The following SIAH1 variants were observed in gnomAD, a reference collection of about 807,000 sequenced individuals.
SIAH1 encodes E3 ubiquitin-protein ligase SIAH1.
Under a neutral mutation model 20.0 loss-of-function variants are expected in SIAH1, and 2 were observed. The observed-to-expected ratio is 0.10, with a 90% CI of 0.04 to 0.31. The LOEUF (loss-of-function observed/expected upper bound fraction) is 0.31, where lower values mean the gene tolerates loss of function less well. Among genes scored for constraint, SIAH1 ranks in the 10% least tolerant of loss-of-function variants. The pLI is 1.00. For missense variants in SIAH1, 119 were observed against 355.3 expected (o/e 0.33, Z 5.35); for synonymous variants, 118 against 125.3 (o/e 0.94, Z 0.39).
chr16:48,385,748 C>A (rs1283410448), upstream of SIAH1, among the ~76,000 whole-genome samples: 1 of 152,024 alleles, frequency 6.6e-6, no homozygotes, highest in East Asian at 2.0e-4. Context: ...GCCGCGTGAC[C>A]CCCCCGGCTC....
At chr16:48,381,895 G>T (rs1961302889) in intron 1 of SIAH1, among the ~76,000 whole-genome samples, 1 of 152,144 alleles carries the variant, frequency 6.6e-6, no homozygotes, top group African/African-American at 2.4e-5. Flanking sequence ...TTCCTCAATT[G>T]TAACAAACGT....
In SIAH1 at chr16:48,361,552, A is replaced by T; in HGVS notation, c.*28T>A. On this transcript the variant is annotated 3_prime_UTR_variant, in exon 2 of 2. Transcript: ENST00000394725. ...TTTCTGTGAAACTGAAGTTTTAAAC[A>T]CTGGCCAGAAAATGTTTGATTGCCA... is the stretch of plus-strand genomic sequence containing the variant. The T allele has an allele frequency of 6.2e-7, 1 of 1,605,158 alleles. No individual in the cohort carries two copies. Among genetic ancestry groups the T allele is most frequent in the Non-Finnish European group, 8.5e-7 (1 of 1,176,340 alleles).
At chr16:48,370,247 T>G (rs1415599641) in intron 1 of SIAH1, among the ~76,000 whole-genome samples, 2 of 152,200 alleles carry the variant, frequency 1.3e-5, no homozygotes, top group Non-Finnish European at 2.9e-5. Flanking sequence ...ACATAAATTC[T>G]TATTACATTA....
chr16:48,381,661 C>T (rs1391124619), intron 1 of SIAH1, among the ~76,000 whole-genome samples: 2 of 152,116 alleles, frequency 1.3e-5, no homozygotes, highest in Non-Finnish European at 2.9e-5. Context: ...GAAAAGGCTA[C>T]ATATTTTAAA....
At chr16:48,367,308 T>C (rs1960867525) in intron 1 of SIAH1, among the ~76,000 whole-genome samples, 2 of 152,200 alleles carry the variant, frequency 1.3e-5, no homozygotes, top group Non-Finnish European at 2.9e-5. Context: ...AGATGACTGA[T>C]TATTTCTCAA....
At chr16:48,386,448 G>C (rs1009226078), upstream of SIAH1, among the ~76,000 whole-genome samples, 16 of 152,206 alleles carry the variant, frequency 1.1e-4, no homozygotes, top group African/African-American at 3.9e-4. Flanking sequence ...AGAGGTTGCA[G>C]TGAGGCAGAG....
intron 1 of SIAH1, among the ~76,000 whole-genome samples, chr16:48,366,726 G>A (rs908495568): frequency 2.0e-5 from 3 of 152,194 alleles, no homozygotes; most frequent in Non-Finnish European, 1.5e-5. Flanking sequence ...GCAGTGAGGA[G>A]TGAACCCAAT....
At chr16:48,377,702 A>G (rs984893238) in intron 1 of SIAH1, among the ~76,000 whole-genome samples, 2 of 151,988 alleles carry the variant, frequency 1.3e-5, no homozygotes, top group African/African-American at 4.8e-5. Context: ...AGCCTCCTGA[A>G]GATTTAAGGA....
chr16:48,383,386 G>C (rs973687908), intron 1 of SIAH1, among the ~76,000 whole-genome samples: 7 of 152,126 alleles, frequency 4.6e-5, no homozygotes, highest in African/African-American at 1.7e-4. Context: ...AGATCTACCA[G>C]TCTAAAGTCC....
chr16:48,378,181 A>G (rs1006157633), intron 1 of SIAH1, among the ~76,000 whole-genome samples: 7 of 152,024 alleles, frequency 4.6e-5, no homozygotes, highest in African/African-American at 1.7e-4. Flanking sequence ...GAGAAACCCC[A>G]TCTCTACTAA....
At position 48,362,354 on chromosome 16, in the gene SIAH1, C is replaced by G. The variant is rs1168850950; in HGVS notation, c.75G>C (p.Leu25=). 2 of 1,614,152 alleles carry G rather than the reference C, an allele frequency of 1.2e-6. No individual in the cohort carries two copies. The highest frequency in any genetic ancestry group is 2.2e-5 in the South Asian group (2 of 91,074). Residue 25 remains leucine, a synonymous_variant, in exon 2 of 2, where the codon CTG becomes CTC. Transcript: ENST00000394725. The surrounding 1 kb of genome is among the most constrained non-coding windows in gnomAD (Gnocchi z 4.2). ...KCPPSQRVPA[L]TGTTASNNDL... ...CATTGTTGGATGCAGTTGTGCCAGT[C>G]AGGGCAGGCACCCTCTGGGATGGTG...
At chr16:48,385,174 G>C (rs1387330015) in intron 1 of SIAH1, 30 bp downstream of exon 1, 2 of 255,812 alleles carry the variant, frequency 7.8e-6, no homozygotes, top group East Asian at 1.8e-4. Flanking sequence ...CCTCGCCGCC[G>C]GCTCCTCCCT....
In SIAH1 at chr16:48,385,250, G is replaced by A. The variant is rs1313881553; in HGVS notation, c.-49C>T. 3 of 322,056 alleles carry A rather than the reference G, an allele frequency of 9.3e-6. No individual in the cohort carries two copies. Among genetic ancestry groups the A allele is most frequent in the Non-Finnish European group, 2.0e-5 (3 of 152,058 alleles). 19.9% of individuals were successfully genotyped at this position (322,056 alleles called of 1,614,324 possible). A position where few individuals can be genotyped will look rare whatever the true frequency, so the allele number is the denominator to read the frequency against. The stretch of plus-strand genomic sequence containing the variant: ...CGGACCCCGGTCCTGGCACCAACGC[G>A]CTCCGTCGCCAACCCCCGCCACCGC... On this transcript the variant is annotated 5_prime_UTR_variant, in exon 1 of 2. Transcript: ENST00000394725.
intron 1 of SIAH1, among the ~76,000 whole-genome samples, chr16:48,375,292 T>G (rs925439196): frequency 6.6e-6 from 1 of 152,190 alleles, no homozygotes; most frequent in Non-Finnish European, 1.5e-5. Flanking sequence ...TTAAATAAAA[T>G]GGACTCATAC....
intron 1 of SIAH1, among the ~76,000 whole-genome samples, chr16:48,379,767 A>G (rs1456555171): frequency 6.6e-6 from 1 of 152,174 alleles, no homozygotes; most frequent in Non-Finnish European, 1.5e-5. Flanking sequence ...TTCAATGTGC[A>G]GAGTTCACAA....
chr16:48,365,970 G>T, intron 1 of SIAH1: 2 of 1,109,282 alleles, frequency 1.8e-6, no homozygotes, highest in Non-Finnish European at 1.1e-6. Context: ...AACCCGGGGC[G>T]CCAGGGCCAG....
At position 48,362,267 on chromosome 16, in the gene SIAH1, T is replaced by C. The variant is rs377204678; in HGVS notation, c.162A>G (p.Gln54=). The change falls in exon 2 of 2, where the codon CAA becomes CAG. Residue 54 remains glutamine (Q), a synonymous_variant. Coordinates refer to ENST00000394725, the MANE Select transcript of SIAH1 (RefSeq NM_003031.4). The surrounding 1 kb of genome is among the most constrained non-coding windows in gnomAD (Gnocchi z 4.2). ...CFDYVLPPIL[Q]CQSGHLVCSN... ...TACAAACAAGATGGCCACTCTGACA[T>C]TGAAGAATGGGCGGTAACACATAGT... The C allele has an allele frequency of 3.8e-5, 61 of 1,614,032 alleles. No individual in the cohort carries two copies. The highest frequency in any genetic ancestry group is 3.3e-4 in the Middle Eastern group (2 of 6,084).
At position 48,361,059 on chromosome 16, in the gene SIAH1, A is replaced by G. The variant is rs1351779014; in HGVS notation, c.*521T>C. ...AAAAAGGAAAAACCTGAATTACAGA[A>G]AAGTCAAATTTATTTAATGAAAAAC... is the stretch of plus-strand genomic sequence containing the variant. On this transcript the variant is annotated 3_prime_UTR_variant, in exon 2 of 2. Transcript: ENST00000394725. 1 of 152,650 alleles carries G rather than the reference A, an allele frequency of 6.6e-6. No homozygotes were observed. Among genetic ancestry groups the G allele is most frequent in the East Asian group, 1.9e-4 (1 of 5,208 alleles). The allele number at this position is 152,650 out of a possible 1,614,324, so 9.5% of individuals were successfully genotyped here. A position where few individuals can be genotyped will look rare whatever the true frequency, so the allele number is the denominator to read the frequency against.
chr16:48,365,492 C>T (rs2151047103), intron 1 of SIAH1: 1 of 1,610,596 alleles, frequency 6.2e-7, no homozygotes, highest in Non-Finnish European at 8.5e-7. Context: ...AGTCAGGCCA[C>T]GCATTGCGTT....
Sources: gnomAD v4.1 joint callset for allele counts (sites outside exome capture counted in the v4.1 genomes callset) on GRCh38, gnomAD v4.1.1 for gene constraint, Gnocchi (gnomAD v3.1) non-coding constraint, MANE v1.5 for transcripts, NCBI Gene and HGNC (gene_info 2026-07-23, HGNC 2026-07-21) for gene names.